DOCK6: variants seen among roughly 807,000 people sequenced by gnomAD.
DOCK6 encodes dedicator of cytokinesis 6.
A neutral mutation model predicts 230.3 loss-of-function variants in DOCK6; 167 were observed. The observed-to-expected ratio is 0.73, with a 90% CI of 0.64 to 0.82. The LOEUF (loss-of-function observed/expected upper bound fraction) is 0.82, where lower values mean the gene tolerates loss of function less well. Ranked by LOEUF, DOCK6 falls within the 40% of genes least tolerant of loss-of-function variation. The probability of loss-of-function intolerance (pLI) is 0.00; values close to 1 mark genes in which losing one functional copy is unlikely to be tolerated. For missense variants in DOCK6, 2,598 were observed against 2,825.8 expected (o/e 0.92, Z 1.83); for synonymous variants, 1,148 against 1,185.0 (o/e 0.97, Z 0.64).
rs566146307 is a variant in DOCK6 at position 11,227,441 on chromosome 19, G to A, written c.2851C>T (p.Arg951Ter). 1.2e-6 allele frequency: 2 copies of A among 1,607,620 alleles called. No individual in the cohort carries two copies. Among genetic ancestry groups the A allele is most frequent in the Non-Finnish European group, 8.5e-7 (1 of 1,177,358 alleles). ...CGCAGCTTGCGGGGTGTGTCTAGTC[G>A]CTGGCCAAGCAGCAGGTGCAGCGCC... ...SMALHLLLGQRLDTPRKLRFP... is the reference protein window; with the variant it reads ...SMALHLLLGQ Residue 951 changes from arginine to a stop codon, truncating the protein, a stop_gained, in exon 24 of 48, where the codon CGA becomes TGA. Transcript: ENST00000294618. LOFTEE classifies it high-confidence loss of function.
At chr19:11,234,777 C>T (rs537087928) in intron 21 of DOCK6, among the ~76,000 whole-genome samples, 2 of 152,264 alleles carry the variant, frequency 1.3e-5, no homozygotes, top group African/African-American at 4.8e-5. Flanking sequence ...CTATCTGAAT[C>T]GTTTTCCAGC....
chr19:11,258,449 T>C (rs2080230886), intron 1 of DOCK6, among the ~76,000 whole-genome samples: 1 of 151,974 alleles, frequency 6.6e-6, no homozygotes, highest in South Asian at 2.1e-4. Context: ...TTTTTTTTTT[T>C]TCCTTGAGAT....
In DOCK6 at chr19:11,202,614, C is replaced by T. The variant is rs777943201; in HGVS notation, c.5331G>A (p.Thr1777=). Residue 1777 remains threonine, a synonymous_variant, in exon 42 of 48, where the codon ACG becomes ACA. Coordinates refer to ENST00000294618, the MANE Select transcript of DOCK6 (RefSeq NM_020812.4). The surrounding 1 kb of genome is among the most constrained non-coding windows in gnomAD (Gnocchi z 5.3). ...GCCGGTGTGAGATCTCTGCCAGCTTCGTGATCGATGGCTCCTTGTACACAA... is the reference window on the plus strand; with the variant it reads ...GCCGGTGTGAGATCTCTGCCAGCTTTGTGATCGATGGCTCCTTGTACACAA... The part of the protein sequence containing the change: ...QEFVYKEPSI[T]KLAEISHRLE... 8.1e-6 allele frequency: 13 copies of T among 1,614,018 alleles called. No homozygotes were observed. Among genetic ancestry groups the T allele is most frequent in the Admixed American group, 5.0e-5 (3 of 60,026 alleles).
At chr19:11,204,002 C>G in intron 41 of DOCK6, 79 bp downstream of exon 41, 1 of 1,533,762 alleles carries the variant, frequency 6.5e-7, no homozygotes, top group South Asian at 1.2e-5. Context: ...TCTGGTGCCC[C>G]CTGGTGTTCA....
At chr19:11,220,585 T>TA (rs2079563926) in intron 28 of DOCK6, among the ~76,000 whole-genome samples, 3 of 151,932 alleles carry the variant, frequency 2.0e-5, no homozygotes, top group African/African-American at 7.2e-5. Context: ...CAGAATATAA[T>TA]AAAAAACTAC....
intron 20 of DOCK6, 174 bp from the exon 21 acceptor site, chr19:11,235,933 T>G (rs2079840200): frequency 2.4e-6 from 2 of 827,436 alleles, no homozygotes; most frequent in Admixed American, 3.5e-5. Flanking sequence ...CGGGCTGGAG[T>G]CCAGTGGCAT....
chr19:11,210,471 TGTCCACCC>T (rs2079359730), intron 37 of DOCK6, among the ~76,000 whole-genome samples: 7 of 137,494 alleles, frequency 5.1e-5, no homozygotes, highest in African/African-American at 1.4e-4. Context: ...CCCCTTCACC[TGTCCACCC>T]CCTCACCTGT....
In DOCK6 at chr19:11,243,002, G is replaced by A; in HGVS notation, c.1480+57C>T. The stretch of plus-strand genomic sequence containing the variant: ...GGCACAGTAGGTGCTCTCAGTGTAG[G>A]TTTGTTGAGTGGCTGAGTGAGAGTG... On this transcript the variant is annotated intron_variant, in intron 13 of 47. Transcript: ENST00000294618. This position sits in a 1 kb window ranked among gnomAD's most constrained non-coding sequence, Gnocchi z 6.3. 1 of 1,596,538 alleles carries A rather than the reference G, an allele frequency of 6.3e-7. No individual in the cohort carries two copies. The highest frequency in any genetic ancestry group is 1.1e-5 in the South Asian group (1 of 90,822).
chr19:11,204,397 C>G, intron 39 of DOCK6, 66 bp from the exon 40 acceptor site: 1 of 1,576,860 alleles, frequency 6.3e-7, no homozygotes, highest in Non-Finnish European at 8.7e-7. Context: ...TCCTGTCTAC[C>G]CATCTCCCTT....
chr19:11,230,327 G>A (rs975442770), intron 22 of DOCK6, among the ~76,000 whole-genome samples: 3 of 152,000 alleles, frequency 2.0e-5, no homozygotes, highest in Non-Finnish European at 4.4e-5. Flanking sequence ...TGATAAGAGC[G>A]AGACTCCGTC....
Position 11,262,362 on chromosome 19 carries a change from G to C in DOCK6, c.44+35C>G, listed in dbSNP as rs577730691. ...GCCCCGGGGCGGAGCCGGGCCACGT[G>C]GGGGAGGTGGGAGGGGGCCCCGCGG... On this transcript the variant is annotated intron_variant, in intron 1 of 47. Coordinates refer to ENST00000294618, the MANE Select transcript of DOCK6 (RefSeq NM_020812.4). 601 of 1,244,296 alleles carry C rather than the reference G, an allele frequency of 4.8e-4. 1 individual carries two copies. The African/African-American group carries it at 6.5e-3, about 13-fold the overall frequency. 77.1% of individuals were successfully genotyped at this position (1,244,296 alleles called of 1,614,324 possible).
Position 11,243,157 on chromosome 19 carries a change from A to G in DOCK6, c.1387-5T>C, listed in dbSNP as rs186366125. ...GTCACTGAGTCGCTCAGCCTCCTAC[A>G]TGGGACCCACTCCCGTCAGCCTGGG... On this transcript the variant is annotated splice_polypyrimidine_tract_variant and splice_region_variant and intron_variant, in intron 12 of 47. Transcript: ENST00000294618. The surrounding 1 kb of genome is among the most constrained non-coding windows in gnomAD (Gnocchi z 6.3). 3.3e-4 allele frequency: 525 copies of G among 1,613,526 alleles called. No individual in the cohort carries two copies. Among genetic ancestry groups the G allele is most frequent in the African/African-American group, 3.3e-3 (244 of 75,048 alleles).
At chr19:11,227,060 A>ATGGAATG (rs1364926223) in intron 24 of DOCK6, among the ~76,000 whole-genome samples, 1 of 152,120 alleles carries the variant, frequency 6.6e-6, no homozygotes, top group Non-Finnish European at 1.5e-5. Flanking sequence ...CAGACATTGC[A>ATGGAATG]TGGAATGATC....
chr19:11,203,824 C>T, intron 41 of DOCK6: 1 of 585,322 alleles, frequency 1.7e-6, no homozygotes, highest in Non-Finnish European at 3.0e-6. Flanking sequence ...ACCAAGCTGG[C>T]CCTGGCAGAG....
Position 11,252,248 on chromosome 19 carries a change from C to T in DOCK6, c.378G>A (p.Arg126=). The change falls in exon 5 of 48, where the codon AGG becomes AGA. Residue 126 remains arginine, a splice_region_variant and synonymous_variant. Transcript: ENST00000294618. ...YIEDWVIVHR[R]YQYLSAAYSP... Reference sequence around the variant, plus strand: ...TGTATGCTGCACTCAGGTACTGATACCTAGCAGGAAACGGGGCTGGGCAGG... The same window carrying T: ...TGTATGCTGCACTCAGGTACTGATATCTAGCAGGAAACGGGGCTGGGCAGG... The T allele has an allele frequency of 7.0e-6, 11 of 1,582,644 alleles. No individual in the cohort carries two copies. Among genetic ancestry groups the T allele is most frequent in the Non-Finnish European group, 9.5e-6 (11 of 1,163,946 alleles).
At chr19:11,219,266 C>G (rs2079544571) in intron 28 of DOCK6, among the ~76,000 whole-genome samples, 1 of 148,264 alleles carries the variant, frequency 6.7e-6, no homozygotes, top group African/African-American at 2.5e-5. Context: ...TCACTGCAAC[C>G]TCTGCCTCCC....
At chr19:11,212,862 G>C (rs960200964) in intron 35 of DOCK6, among the ~76,000 whole-genome samples, 1 of 136,020 alleles carries the variant, frequency 7.4e-6, no homozygotes, top group Non-Finnish European at 1.5e-5. Context: ...ACTGTGCCTG[G>C]CCCTTTTTTT....
chr19:11,242,224 C>G lies in DOCK6; in HGVS notation c.1481-17G>C. On this transcript the variant is annotated splice_polypyrimidine_tract_variant and intron_variant, in intron 13 of 47. Coordinates refer to ENST00000294618, the MANE Select transcript of DOCK6 (RefSeq NM_020812.4). ...TGAGCTGGGCTGGGAAGGGAAGAACCGGTTTGCACCTGCCTGGGAGCCTCC... is the reference window on the plus strand; with the variant it reads ...TGAGCTGGGCTGGGAAGGGAAGAACGGGTTTGCACCTGCCTGGGAGCCTCC... 1 of 1,440,022 alleles carries G rather than the reference C, an allele frequency of 6.9e-7. No individual in the cohort carries two copies. The highest frequency in any genetic ancestry group is 1.4e-5 in the African/African-American group (1 of 69,430). 89.2% of individuals were successfully genotyped at this position (1,440,022 alleles called of 1,614,324 possible).
chr19:11,215,753 TG>T, intron 31 of DOCK6, 47 bp downstream of exon 31: 1 of 1,610,508 alleles, frequency 6.2e-7, no homozygotes, highest in Non-Finnish European at 8.5e-7. Context: ...TGACACAAGG[TG>T]GGAGCAGCTG....
Sources: gnomAD v4.1 joint callset for allele counts (sites outside exome capture counted in the v4.1 genomes callset) on GRCh38, gnomAD v4.1.1 for gene constraint, Gnocchi (gnomAD v3.1) non-coding constraint, MANE v1.5 for transcripts, NCBI Gene and HGNC (gene_info 2026-07-23, HGNC 2026-07-21) for gene names.